KCNG4: variants seen among roughly 807,000 people sequenced by gnomAD.
The protein encoded by KCNG4 is potassium voltage-gated channel modifier subfamily G member 4.
KCNG4 carries 30 observed loss-of-function variants against 28.2 expected under a neutral mutation model. That is an observed-to-expected ratio of 1.06 (90% CI 0.80 to 1.44). KCNG4 has a LOEUF of 1.44. Ranked by LOEUF, KCNG4 falls within the 40% of genes most tolerant of loss-of-function variation. The pLI is 0.00. For missense variants in KCNG4, 879 were observed against 712.3 expected (o/e 1.23, Z -2.66); for synonymous variants, 375 against 315.5 (o/e 1.19, Z -2.00).
Position 84,224,631 on chromosome 16 carries a change from G to T in KCNG4, c.757-1611C>A, listed in dbSNP as rs974793834. Among the ~76,000 whole-genome samples the T allele has an allele frequency of 3.9e-5, 6 of 152,306 alleles. No individual in the cohort carries two copies. The South Asian group carries it at 6.2e-4, about 16-fold the overall frequency. Reference sequence around the variant, plus strand: ...CCTGGCTGCTGGAGAAAGAGAAAGAGACTGAACCACGACAGTCTCTATTTG... The same window carrying T: ...CCTGGCTGCTGGAGAAAGAGAAAGATACTGAACCACGACAGTCTCTATTTG... On this transcript the variant is annotated intron_variant, in intron 2 of 2. Transcript: ENST00000308251.
rs576167316 is a variant in KCNG4, at chr16:84,227,555, C to T, written c.757-4535G>A. Among the ~76,000 whole-genome samples the T allele has an allele frequency of 1.3e-3, 204 of 152,024 alleles. 1 individual carries two copies. The highest frequency in any genetic ancestry group is 6.8e-3 in the Middle Eastern group (2 of 294). On this transcript the variant is annotated intron_variant, in intron 2 of 2. Coordinates refer to ENST00000308251, the MANE Select transcript of KCNG4 (RefSeq NM_172347.3). ...TTGTGCCACTGCACTGCAGCCTGGG[C>T]GACAGAGCTAGAATCTGTCTCAGAA... is the stretch of plus-strand genomic sequence containing the variant.
At chr16:84,230,089 G>C (rs1904791176) in intron 2 of KCNG4, among the ~76,000 whole-genome samples, 1 of 152,088 alleles carries the variant, frequency 6.6e-6, no homozygotes, top group African/African-American at 2.4e-5. Flanking sequence ...GGCCCCAAGA[G>C]TCCCGCCTGG....
Position 84,222,071 on chromosome 16 carries a change from G to A in KCNG4, c.*146C>T, listed in dbSNP as rs1597614397. On this transcript the variant is annotated 3_prime_UTR_variant, in exon 3 of 3. Coordinates refer to ENST00000308251, the MANE Select transcript of KCNG4 (RefSeq NM_172347.3). ...GAGGGACAAGGATCACAGACACACA[G>A]CCTCTGTGGCCTTATGCCCCTCCAG... is the stretch of plus-strand genomic sequence containing the variant. The A allele has an allele frequency of 1.1e-6, 1 of 877,270 alleles. No homozygotes were observed. Among genetic ancestry groups the A allele is most frequent in the East Asian group, 2.4e-5 (1 of 40,970 alleles). The allele number at this position is 877,270 out of a possible 1,614,324, so 54.3% of individuals were successfully genotyped here. A position where few individuals can be genotyped will look rare whatever the true frequency, so the allele number is the denominator to read the frequency against.
Position 84,222,295 on chromosome 16 carries a change from C to T in KCNG4, c.1482G>A (p.Val494=), listed in dbSNP as rs758659769. The change falls in exon 3 of 3, where the codon GTG becomes GTA. Residue 494 remains valine, a synonymous_variant. Coordinates refer to ENST00000308251, the MANE Select transcript of KCNG4 (RefSeq NM_172347.3). ...CGTTCATGAGCTCATGTTCACTGGC[C>T]ACATGGGGGTCCAGGAGTTCACATT... ...ASECELLDPH[V]ASEHELMNDV... The T allele has an allele frequency of 6.2e-7, 1 of 1,614,174 alleles. No homozygotes were observed. Among genetic ancestry groups the T allele is most frequent in the South Asian group, 1.1e-5 (1 of 91,080 alleles).
chr16:84,237,919 T>C (rs185359482), intron 1 of KCNG4, among the ~76,000 whole-genome samples: 71 of 152,280 alleles, frequency 4.7e-4, no homozygotes, highest in African/African-American at 1.5e-3. Flanking sequence ...AGACTCATAC[T>C]AATCTTGCAA....
chr16:84,237,154 A>C lies in KCNG4; in HGVS notation c.332T>G (p.Phe111Cys). ...GGCGCTGGGGCTCCTGTCGAAGAAG[A>C]ACTCCTGGCTGTCCTCGTCGTAATC... is the stretch of plus-strand genomic sequence containing the variant. ...CDDYDEDSQE[F>C]FFDRSPSAFG... The change falls in exon 2 of 3, where the codon TTC (phenylalanine) becomes TGC (cysteine). Residue 111 changes from phenylalanine (F) to cysteine (C), a missense_variant. Physicochemically the swap from Phe to Cys is radical, Grantham distance 205. Transcript: ENST00000308251. The C allele has an allele frequency of 6.2e-7, 1 of 1,614,126 alleles. No homozygotes were observed. Among genetic ancestry groups the C allele is most frequent in the Admixed American group, 1.7e-5 (1 of 60,028 alleles).
At chr16:84,223,335 G>A (rs758097635) in intron 2 of KCNG4, among the ~76,000 whole-genome samples, 3 of 152,106 alleles carry the variant, frequency 2.0e-5, no homozygotes, top group Non-Finnish European at 1.5e-5. Context: ...CCTGTGAGCC[G>A]GGACAGCACA....
chr16:84,226,436 C>T lies in KCNG4; in HGVS notation c.757-3416G>A, dbSNP rs988061583. ...TATACTCACAGGGGAGAGGCTGACA[C>T]GGGTGCATCCGTTTATTAAATTCTA... is the stretch of plus-strand genomic sequence containing the variant. On this transcript the variant is annotated intron_variant, in intron 2 of 2. Transcript: ENST00000308251. The surrounding 1 kb of genome is among the most constrained non-coding windows in gnomAD (Gnocchi z 4.1). 7.9e-5 allele frequency among the ~76,000 whole-genome samples: 12 copies of T among 152,096 alleles called. No homozygotes were observed. The highest frequency in any genetic ancestry group is 2.6e-4 in the Admixed American group (4 of 15,278).
chr16:84,236,696 G>C, intron 2 of KCNG4, 34 bp downstream of exon 2: 1 of 1,580,172 alleles, frequency 6.3e-7, no homozygotes, highest in East Asian at 2.3e-5. Context: ...CACCCTGCGG[G>C]ATGGAGCCGT....
rs759861997 is a variant in KCNG4 at position 84,237,408 on chromosome 16, G to C, written c.78C>G (p.Leu26=). ...HYGSHSPWSQ[L]LSSPMETPSI... ...ACGGCGTCTCCATGGGGCTGGACAG[G>C]AGCTGACTCCAAGGGCTGTGGGAAC... Residue 26 remains leucine (L), a synonymous_variant, in exon 2 of 3, where the codon CTC becomes CTG. Transcript: ENST00000308251. 2.0e-6 allele frequency: 3 copies of C among 1,521,886 alleles called. No individual in the cohort carries two copies. The highest frequency in any genetic ancestry group is 2.6e-6 in the Non-Finnish European group (3 of 1,136,572). 94.3% of individuals were successfully genotyped at this position (1,521,886 alleles called of 1,614,324 possible). A position where few individuals can be genotyped will look rare whatever the true frequency, so the allele number is the denominator to read the frequency against.
chr16:84,231,247 GA>G (rs1455011081), intron 2 of KCNG4, among the ~76,000 whole-genome samples: 1 of 152,242 alleles, frequency 6.6e-6, no homozygotes, highest in Non-Finnish European at 1.5e-5. Flanking sequence ...CACAGAGAAA[GA>G]AAAGGACTTG....
intron 2 of KCNG4, among the ~76,000 whole-genome samples, chr16:84,234,380 T>G (rs1038991008): frequency 6.6e-6 from 1 of 151,960 alleles, no homozygotes; most frequent in African/African-American, 2.4e-5. Flanking sequence ...AGTTTTACCG[T>G]GTTGGCCAGG....
At chr16:84,236,458 C>G in intron 2 of KCNG4, 1 of 503,944 alleles carries the variant, frequency 2.0e-6, no homozygotes, top group Non-Finnish European at 3.5e-6. Context: ...TCTGTGTGGC[C>G]CACTGAGTCC....
rs1377661977 is a variant in KCNG4 at position 84,222,637 on chromosome 16, C to T, written c.1140G>A (p.Val380=). The T allele has an allele frequency of 6.2e-7, 1 of 1,613,332 alleles. No homozygotes were observed. Among genetic ancestry groups the T allele is most frequent in the South Asian group, 1.1e-5 (1 of 91,072 alleles). The change falls in exon 3 of 3, where the codon GTG becomes GTA. Residue 380 remains valine, a synonymous_variant. Transcript: ENST00000308251. ...EFGLLLLFLA[V]AITLFSPLVY... ...CCAAAGGGGAGAAGAGGGTGATGGC[C>T]ACGGCCAGGAAGAGAAGGAGCAGGC...
chr16:84,220,367 G>A lies in KCNG4; in HGVS notation c.*1850C>T, dbSNP rs572400047. On this transcript the variant is annotated 3_prime_UTR_variant, in exon 3 of 3. Coordinates refer to ENST00000308251, the MANE Select transcript of KCNG4 (RefSeq NM_172347.3). ...GGGGGGACACCTGGAGGACTCCAAGGAAAGGCAGGCTCGCCAGGAGGCCAA... is the reference window on the plus strand; with the variant it reads ...GGGGGGACACCTGGAGGACTCCAAGAAAAGGCAGGCTCGCCAGGAGGCCAA... 3 of 152,422 alleles carry A rather than the reference G, an allele frequency of 2.0e-5. No homozygotes were observed. The East Asian group carries it at 5.8e-4, about 29-fold the overall frequency. 9.4% of individuals were successfully genotyped at this position (152,422 alleles called of 1,614,324 possible).
intron 2 of KCNG4, chr16:84,235,598 G>A (rs1414664382): frequency 1.3e-5 from 2 of 152,214 alleles, no homozygotes; most frequent in African/African-American, 4.8e-5. Flanking sequence ...CCTACTGTCT[G>A]TGAGGCATGG....
At chr16:84,232,008 A>G (rs1479612837) in intron 2 of KCNG4, among the ~76,000 whole-genome samples, 1 of 150,982 alleles carries the variant, frequency 6.6e-6, no homozygotes, top group Non-Finnish European at 1.5e-5. Context: ...CCATCTCAAA[A>G]AAAAAAAAAA....
At chr16:84,236,623 T>C (rs1904956352) in intron 2 of KCNG4, 107 bp downstream of exon 2, 4 of 1,152,710 alleles carry the variant, frequency 3.5e-6, no homozygotes, top group Non-Finnish European at 3.6e-6. Flanking sequence ...TATTCATTTT[T>C]TTCTTCTTAT....
Position 84,222,686 on chromosome 16 carries a change from A to C in KCNG4, c.1091T>G (p.Val364Gly). The C allele has an allele frequency of 6.2e-7, 1 of 1,613,102 alleles. No homozygotes were observed. Among genetic ancestry groups the C allele is most frequent in the Non-Finnish European group, 8.5e-7 (1 of 1,179,790 alleles). ...GCCGAACTCACGTGTGCAACGGCGC[A>C]CGGTGAGCCCCAGCGTCTGCAGCCC... is the stretch of plus-strand genomic sequence containing the variant. ...SLGLQTLGLT[V>G]RRCTREFGLL... Residue 364 changes from valine (V) to glycine (G), a missense_variant, in exon 3 of 3, where the codon GTG becomes GGG. Transcript: ENST00000308251.
Sources: gnomAD v4.1 joint callset for allele counts (sites outside exome capture counted in the v4.1 genomes callset) on GRCh38, gnomAD v4.1.1 for gene constraint, Gnocchi (gnomAD v3.1) non-coding constraint, MANE v1.5 for transcripts, NCBI Gene and HGNC (gene_info 2026-07-23, HGNC 2026-07-21) for gene names.